SYK: variants seen among roughly 807,000 people sequenced by gnomAD.
SYK encodes the protein spleen associated tyrosine kinase.
In SYK, 16 loss-of-function variants were observed where a neutral mutation model predicts 77.8. The observed-to-expected ratio is 0.21, with a 90% CI of 0.14 to 0.31. The LOEUF is 0.31. Among genes scored for constraint, SYK ranks in the 10% least tolerant of loss-of-function variants. The pLI is 1.00. For missense variants in SYK, 529 were observed against 814.4 expected (o/e 0.65, Z 4.26); for synonymous variants, 312 against 308.7 (o/e 1.01, Z -0.11).
At chr9:90,806,904 G>A (rs1587797596) in intron 1 of SYK, among the ~76,000 whole-genome samples, 1 of 152,230 alleles carries the variant, frequency 6.6e-6, no homozygotes, top group Middle Eastern at 3.4e-3. Context: ...GTTTATTTTT[G>A]TGGAAATGGA....
In SYK at chr9:90,817,640, G is replaced by A. The variant is rs117348420; in HGVS notation, c.-42+15747G>A. On this transcript the variant is annotated intron_variant, in intron 1 of 13. Transcript: ENST00000375754. Reference sequence around the variant, plus strand: ...TTAAGTTCTTTGATTCCATATCTGTGTGTGTGGACATGCCTTCATCTGCCT... The same window carrying A: ...TTAAGTTCTTTGATTCCATATCTGTATGTGTGGACATGCCTTCATCTGCCT... 5.9e-3 allele frequency among the ~76,000 whole-genome samples: 905 copies of A among 152,174 alleles called. 2 individuals are homozygous for A. Among genetic ancestry groups the A allele is most frequent in the Non-Finnish European group, 9.5e-3 (646 of 68,012 alleles).
chr9:90,886,721 G>GA (rs376166090), intron 11 of SYK, among the ~76,000 whole-genome samples: 7 of 150,458 alleles, frequency 4.7e-5, no homozygotes, highest in East Asian at 1.9e-4. Flanking sequence ...ACAAAAAGAA[G>GA]AAAAAAAAAC....
At chr9:90,862,423 G>T in intron 4 of SYK, 79 bp downstream of exon 4, 4 of 1,500,396 alleles carry the variant, frequency 2.7e-6, no homozygotes, top group East Asian at 2.4e-5. Flanking sequence ...TCTTAGACAT[G>T]AGAGGAACTG....
intron 1 of SYK, among the ~76,000 whole-genome samples, chr9:90,824,661 A>G (rs1403893409): frequency 6.6e-6 from 1 of 151,968 alleles, no homozygotes; most frequent in Non-Finnish European, 1.5e-5. Context: ...CATTTGACAA[A>G]CTCAAAACAC....
At chr9:90,841,664 GGTGT>G (rs1310039197) in intron 1 of SYK, among the ~76,000 whole-genome samples, 3 of 150,490 alleles carry the variant, frequency 2.0e-5, no homozygotes, top group Non-Finnish European at 4.4e-5. Flanking sequence ...TATGGTGTGT[GGTGT>G]GTATGTAGTT....
intron 11 of SYK, among the ~76,000 whole-genome samples, chr9:90,886,646 A>C (rs1325614989): frequency 6.6e-6 from 1 of 152,174 alleles, no homozygotes; most frequent in Non-Finnish European, 1.5e-5. Flanking sequence ...CGGAGCTTGC[A>C]GTGAGCTGAA....
chr9:90,883,467 T>G (rs1406224998), intron 11 of SYK, among the ~76,000 whole-genome samples: 2 of 152,098 alleles, frequency 1.3e-5, no homozygotes, highest in Non-Finnish European at 2.9e-5. Context: ...AGGGCTGCTG[T>G]GGGACCAAGG....
rs1436962027 is a variant in SYK at position 90,896,772 on chromosome 9, A to T, written c.*1172A>T. On this transcript the variant is annotated 3_prime_UTR_variant, in exon 14 of 14. Coordinates refer to ENST00000375754, the MANE Select transcript of SYK (RefSeq NM_003177.7). ...TGTACCTCTTGAAAGTTAAAGAGAC[A>T]TCTCAGCACTTTAGGAGGCCGAGGC... 4.5e-6 allele frequency: 1 copy of T among 224,596 alleles called. No individual in the cohort carries two copies. Among genetic ancestry groups the T allele is most frequent in the Non-Finnish European group, 8.9e-6 (1 of 112,732 alleles). 13.9% of individuals were successfully genotyped at this position (224,596 alleles called of 1,614,324 possible). A position where few individuals can be genotyped will look rare whatever the true frequency, so the allele number is the denominator to read the frequency against.
At chr9:90,805,917 T>C (rs1016946407) in intron 1 of SYK, among the ~76,000 whole-genome samples, 1 of 152,242 alleles carries the variant, frequency 6.6e-6, no homozygotes, top group Admixed American at 6.5e-5. Flanking sequence ...TAAACAGTGT[T>C]TGTTGACACT....
intron 1 of SYK, among the ~76,000 whole-genome samples, chr9:90,827,072 G>A (rs892612825): frequency 2.0e-5 from 3 of 151,984 alleles, no homozygotes; most frequent in Admixed American, 1.3e-4. Context: ...TTTGATACAT[G>A]TTATGATGTA....
At chr9:90,894,399 G>T (rs543795269) in intron 13 of SYK, among the ~76,000 whole-genome samples, 1 of 152,150 alleles carries the variant, frequency 6.6e-6, no homozygotes, top group East Asian at 1.9e-4. Context: ...TGATCAATTC[G>T]AGCAGTTTTA....
At chr9:90,875,342 G>A (rs111957124) in intron 9 of SYK, among the ~76,000 whole-genome samples, 1 of 152,110 alleles carries the variant, frequency 6.6e-6, no homozygotes, top group Non-Finnish European at 1.5e-5. Flanking sequence ...AGCCAAGGCT[G>A]CAGTGAGCCA....
At chr9:90,892,817 G>T (rs555537567) in intron 13 of SYK, among the ~76,000 whole-genome samples, 5 of 152,256 alleles carry the variant, frequency 3.3e-5, no homozygotes, top group Non-Finnish European at 7.3e-5. Flanking sequence ...GCCGAATGGA[G>T]AAATTTCCTG....
At position 90,898,290 on chromosome 9, in the gene SYK, C is replaced by T. The variant is rs1450998759; in HGVS notation, c.*2690C>T. On this transcript the variant is annotated 3_prime_UTR_variant, in exon 14 of 14. Transcript: ENST00000375754. ...ATGCATGTTTTCATCTGAGCGTGTC[C>T]TTCTCCCATACTCCCTATCAGCCAG... is the stretch of plus-strand genomic sequence containing the variant. The T allele has an allele frequency of 8.7e-6, 2 of 229,790 alleles. No homozygotes were observed. The highest frequency in any genetic ancestry group is 4.4e-5 in the African/African-American group (2 of 45,144). 14.2% of individuals were successfully genotyped at this position (229,790 alleles called of 1,614,324 possible).
At chr9:90,835,907 A>AT (rs11390469) in intron 1 of SYK, among the ~76,000 whole-genome samples, 2,108 of 152,144 alleles carry the variant, frequency 0.014, 55 homozygotes, top group African/African-American at 0.049. Flanking sequence ...TTATATGCGG[A>AT]TTTTTTTTCA....
chr9:90,829,257 C>A (rs1285112910), intron 1 of SYK, among the ~76,000 whole-genome samples: 1 of 151,314 alleles, frequency 6.6e-6, no homozygotes, highest in Non-Finnish European at 1.5e-5. Flanking sequence ...CCATTGCACT[C>A]CAGCTGGGGT....
At chr9:90,867,266 C>T (rs776671388) in intron 7 of SYK, 67 bp downstream of exon 7, 41 of 1,513,598 alleles carry the variant, frequency 2.7e-5, no homozygotes, top group South Asian at 7.9e-5. Context: ...AGCTCCCGCC[C>T]GCCCAGTCTG....
intron 9 of SYK, 79 bp downstream of exon 9, chr9:90,874,928 C>A: frequency 2.0e-6 from 3 of 1,498,990 alleles, no homozygotes; most frequent in Non-Finnish European, 1.8e-6. Flanking sequence ...AAAATGTAAC[C>A]TGGCATGACT....
At chr9:90,879,051 G>T in intron 11 of SYK, 98 bp downstream of exon 11, 1 of 914,412 alleles carries the variant, frequency 1.1e-6, no homozygotes. Context: ...GTTTCAAAAA[G>T]CAGTTTTGCT....
Sources: allele counts gnomAD v4.1 joint callset (sites outside exome capture counted in the v4.1 genomes callset), GRCh38; gene constraint gnomAD v4.1.1; transcripts MANE v1.5; gene names NCBI Gene and HGNC (gene_info 2026-07-23, HGNC 2026-07-21).